The following TRAPPC9 variants were observed in gnomAD, a reference collection of about 807,000 sequenced individuals.
The protein encoded by TRAPPC9 is IKK2 binding protein.
TRAPPC9 carries 83 observed loss-of-function variants against 124.0 expected under a neutral mutation model. That is an observed-to-expected ratio of 0.67 (90% CI 0.56 to 0.80). The LOEUF (loss-of-function observed/expected upper bound fraction) is 0.80. Among genes scored for constraint, TRAPPC9 ranks in the 30% least tolerant of loss-of-function variants. The pLI is 0.00. For missense variants in TRAPPC9, 1,302 were observed against 1,508.3 expected (o/e 0.86, Z 2.27); for synonymous variants, 638 against 617.5 (o/e 1.03, Z -0.49).
chr8:140,093,667 TAAAAAA>T (rs35712232), intron 17 of TRAPPC9, among the ~76,000 whole-genome samples: 1 of 137,722 alleles, frequency 7.3e-6, no homozygotes, highest in African/African-American at 2.7e-5. Flanking sequence ...GACTTCGTCT[TAAAAAA>T]AAAAAAAAAA....
chr8:139,823,854 A>C (rs796399719), intron 21 of TRAPPC9, among the ~76,000 whole-genome samples: 8 of 152,320 alleles, frequency 5.3e-5, no homozygotes, highest in African/African-American at 1.9e-4. Context: ...TCGCGGCCAC[A>C]TGATGGTGTT....
intron 17 of TRAPPC9, among the ~76,000 whole-genome samples, chr8:140,147,404 G>C (rs998707206): frequency 2.0e-5 from 3 of 152,182 alleles, no homozygotes; most frequent in Non-Finnish European, 4.4e-5. Context: ...CACAACTCAC[G>C]AACGTCTCAA....
chr8:140,114,230 G>C (rs936838463), intron 17 of TRAPPC9, among the ~76,000 whole-genome samples: 2 of 146,972 alleles, frequency 1.4e-5, no homozygotes. Flanking sequence ...CATTTGAGGA[G>C]TAAATGGAAC....
intron 17 of TRAPPC9, among the ~76,000 whole-genome samples, chr8:140,147,498 A>T (rs756774177): frequency 1.3e-5 from 2 of 152,254 alleles, no homozygotes; most frequent in Non-Finnish European, 2.9e-5. Context: ...GTGTCAGACA[A>T]GAAGTCCTGT....
At chr8:139,885,858 G>A (rs367621599) in intron 21 of TRAPPC9, 21 bp downstream of exon 21, 9 of 1,553,030 alleles carry the variant, frequency 5.8e-6, no homozygotes, top group East Asian at 2.4e-5. Context: ...CAGAATCGAT[G>A]GGTGGCTGGC....
intron 21 of TRAPPC9, among the ~76,000 whole-genome samples, chr8:139,862,817 A>G (rs184596270): frequency 3.9e-4 from 60 of 152,318 alleles, no homozygotes; most frequent in Admixed American, 3.3e-3. Context: ...CCGGCCCCAC[A>G]TGCACCAGGG....
chr8:140,215,687 C>T (rs1406245024), intron 17 of TRAPPC9, among the ~76,000 whole-genome samples: 2 of 151,704 alleles, frequency 1.3e-5, no homozygotes, highest in African/African-American at 4.8e-5. Context: ...CATGCCCTGA[C>T]TCCACCACCC....
At chr8:139,926,347 C>T (rs1832816024) in intron 19 of TRAPPC9, among the ~76,000 whole-genome samples, 1 of 152,126 alleles carries the variant, frequency 6.6e-6, no homozygotes, top group Non-Finnish European at 1.5e-5. Context: ...CAAAAAATAA[C>T]ACCCACAATG....
chr8:140,078,519 G>C (rs1323956046), intron 17 of TRAPPC9, among the ~76,000 whole-genome samples: 1 of 152,152 alleles, frequency 6.6e-6, no homozygotes, highest in Non-Finnish European at 1.5e-5. Context: ...GGTGGGATGG[G>C]GCAGGGATGA....
In TRAPPC9 at chr8:140,383,653, C is replaced by T. The variant is rs550604379; in HGVS notation, c.1135-12473G>A. 5.3e-5 allele frequency among the ~76,000 whole-genome samples: 8 copies of T among 152,216 alleles called. No individual in the cohort carries two copies. The South Asian group carries it at 1.0e-3, about 20-fold the overall frequency. ...AAATGAACAAAGCCTCCAAGAAATA[C>T]GGGACTATGTGAACAGACCAAATCA... On this transcript the variant is annotated intron_variant, in intron 7 of 22. Coordinates refer to ENST00000438773, the MANE Select transcript of TRAPPC9 (RefSeq NM_001160372.4).
At chr8:140,091,111 T>C (rs1244011487) in intron 17 of TRAPPC9, among the ~76,000 whole-genome samples, 2 of 152,162 alleles carry the variant, frequency 1.3e-5, no homozygotes, top group Admixed American at 1.3e-4. Context: ...ATCACATCCC[T>C]TCTTAATGAA....
intron 17 of TRAPPC9, among the ~76,000 whole-genome samples, chr8:140,082,476 G>C (rs570869038): frequency 6.6e-6 from 1 of 152,154 alleles, no homozygotes; most frequent in East Asian, 1.9e-4. Flanking sequence ...GGTGAGAGGC[G>C]AAAGTGCCAC....
chr8:140,458,188 G>A (rs1399692455), upstream of TRAPPC9: 1 of 1,547,702 alleles, frequency 6.5e-7, no homozygotes, highest in African/African-American at 1.4e-5. Flanking sequence ...AGGGAGGGAG[G>A]GACCGGAGCA....
At chr8:140,255,912 G>T (rs1047680781) in intron 15 of TRAPPC9, among the ~76,000 whole-genome samples, 1 of 152,188 alleles carries the variant, frequency 6.6e-6, no homozygotes, top group Non-Finnish European at 1.5e-5. Flanking sequence ...GTGGCTGTTG[G>T]ATGAGATTCT....
At position 139,796,384 on chromosome 8, in the gene TRAPPC9, G is replaced by A. The variant is rs571101966; in HGVS notation, c.3056-64182C>T. 2.6e-5 allele frequency among the ~76,000 whole-genome samples: 4 copies of A among 152,290 alleles called. No homozygotes were observed. The South Asian group carries it at 8.3e-4, about 32-fold the overall frequency. ...GGTAGGTAGTTGGTTCCCGCCCAGA[G>A]ACCCTGATCCAATGATGCATCAGAC... is the stretch of plus-strand genomic sequence containing the variant. On this transcript the variant is annotated intron_variant, in intron 21 of 22. Coordinates refer to ENST00000438773, the MANE Select transcript of TRAPPC9 (RefSeq NM_001160372.4).
At chr8:140,076,516 C>T (rs990626520) in intron 17 of TRAPPC9, among the ~76,000 whole-genome samples, 1 of 152,258 alleles carries the variant, frequency 6.6e-6, no homozygotes, top group African/African-American at 2.4e-5. Context: ...AGGAGAGCGC[C>T]AGGCCTCCCG....
intron 7 of TRAPPC9, among the ~76,000 whole-genome samples, chr8:140,371,934 C>T (rs939165035): frequency 6.6e-6 from 1 of 152,164 alleles, no homozygotes; most frequent in African/African-American, 2.4e-5. Flanking sequence ...AACTCCTGAC[C>T]TCAGGTGATC....
At chr8:139,751,748 T>A (rs974130919) in intron 21 of TRAPPC9, among the ~76,000 whole-genome samples, 3 of 150,040 alleles carry the variant, frequency 2.0e-5, no homozygotes, top group Non-Finnish European at 4.4e-5. Context: ...CATCCATCCA[T>A]CCATCCTCCA....
At chr8:140,292,864 T>C (rs1416777525) in intron 11 of TRAPPC9, among the ~76,000 whole-genome samples, 2 of 143,370 alleles carry the variant, frequency 1.4e-5, no homozygotes, top group Admixed American at 6.9e-5. Flanking sequence ...AATTGACAAA[T>C]GGGATCTAAT....
Sources: allele counts gnomAD v4.1 joint callset (sites outside exome capture counted in the v4.1 genomes callset), GRCh38; gene constraint gnomAD v4.1.1; transcripts MANE v1.5; gene names NCBI Gene and HGNC (gene_info 2026-07-23, HGNC 2026-07-21).